The following OPHN1 variants were observed in gnomAD, a reference collection of about 807,000 sequenced individuals.
OPHN1 encodes the protein oligophrenin 1.
A neutral mutation model predicts 60.7 loss-of-function variants in OPHN1; 11 were observed. That is an observed-to-expected ratio of 0.18 (90% confidence interval 0.11 to 0.30). The LOEUF is 0.30. Among genes scored for constraint, OPHN1 ranks in the 10% least tolerant of loss-of-function variants. OPHN1 has a pLI of 1.00. For synonymous variants in OPHN1, 226 were observed against 222.6 expected (o/e 1.02, Z -0.14); for missense variants, 449 against 611.0 (o/e 0.73, Z 2.80).
At chrX:68,086,914 G>GT (rs1602146243) in intron 19 of OPHN1, among the ~76,000 whole-genome samples, 2 of 112,265 alleles carry the variant, frequency 1.8e-5, no homozygotes, top group African/African-American at 6.5e-5. Context: ...CCACCTGATA[G>GT]TAAGAAGCAG....
At chrX:68,374,932 C>CTAT (rs2078548695) in intron 2 of OPHN1, among the ~76,000 whole-genome samples, 2 of 112,016 alleles carry the variant, frequency 1.8e-5, no homozygotes, top group South Asian at 7.4e-4. Context: ...CACTTCACAC[C>CTAT]TATTAGCAAG....
At chrX:68,180,817 T>G (rs1185307671) in intron 15 of OPHN1, among the ~76,000 whole-genome samples, 2 of 112,003 alleles carry the variant, frequency 1.8e-5, no homozygotes, top group Non-Finnish European at 3.8e-5. Context: ...TTTCAGAAAC[T>G]TCCTGGAAAT....
intron 11 of OPHN1, among the ~76,000 whole-genome samples, chrX:68,197,701 G>A (rs894124766): frequency 9.0e-6 from 1 of 111,108 alleles, no homozygotes; most frequent in Non-Finnish European, 1.9e-5. Context: ...CAGCACCTGC[G>A]ATGTCCAAGA....
intron 5 of OPHN1, among the ~76,000 whole-genome samples, chrX:68,272,065 TAAAGG>T (rs1190658514): frequency 9.2e-6 from 1 of 108,494 alleles, no homozygotes; most frequent in Non-Finnish European, 1.9e-5. Flanking sequence ...GTGCTCACTA[TAAAGG>T]AAAGATGCTT....
chrX:68,319,526 A>G (rs1219164173), intron 2 of OPHN1, among the ~76,000 whole-genome samples: 1 of 110,808 alleles, frequency 9.0e-6, no homozygotes, highest in Non-Finnish European at 1.9e-5. Context: ...ACTTGAGCAC[A>G]GGAGTTCAAG....
At chrX:68,364,822 G>A (rs2078490291) in intron 2 of OPHN1, among the ~76,000 whole-genome samples, 1 of 112,083 alleles carries the variant, frequency 8.9e-6, no homozygotes, top group Non-Finnish European at 1.9e-5. Flanking sequence ...AGTTCTATTG[G>A]ACTGCACCAT....
chrX:68,313,100 T>A (rs1242328785), intron 2 of OPHN1, among the ~76,000 whole-genome samples: 1 of 109,996 alleles, frequency 9.1e-6, no homozygotes, highest in Non-Finnish European at 1.9e-5. Context: ...CAAAACCCTA[T>A]CTCAAATAAA....
At chrX:68,405,234 CACTCT>C (rs1478286112) in intron 2 of OPHN1, among the ~76,000 whole-genome samples, 5 of 112,139 alleles carry the variant, frequency 4.5e-5, no homozygotes, top group African/African-American at 1.6e-4. Context: ...TTGTTTGAGT[CACTCT>C]GTTGCCCAGG....
intron 15 of OPHN1, chrX:68,132,928 T>C: frequency 2.7e-6 from 1 of 375,045 alleles, no homozygotes; most frequent in Admixed American, 4.3e-5. Context: ...GAGTCCCTGC[T>C]TCCCCGAAGC....
At chrX:68,116,990 C>T (rs182881459) in intron 16 of OPHN1, among the ~76,000 whole-genome samples, 3 of 111,993 alleles carry the variant, frequency 2.7e-5, no homozygotes, top group Non-Finnish European at 5.6e-5. Context: ...CATTTTATAT[C>T]ACTGTAATCT....
intron 15 of OPHN1, among the ~76,000 whole-genome samples, chrX:68,182,383 G>A (rs2077442185): frequency 9.3e-6 from 1 of 107,693 alleles, no homozygotes; most frequent in Non-Finnish European, 1.9e-5. Context: ...TAATGAGAGA[G>A]AGACAGAGAG....
chrX:68,433,424 C>A lies in OPHN1; in HGVS notation c.-261G>T. On this transcript the variant is annotated 5_prime_UTR_variant, in exon 1 of 25. Coordinates refer to ENST00000355520, the MANE Select transcript of OPHN1 (RefSeq NM_002547.3). ...CACTTGGGCCCGCCCAAGGTGTAGGCGAGGTTAGAGCTGGAGCTGGGAACA... is the reference window on the plus strand; with the variant it reads ...CACTTGGGCCCGCCCAAGGTGTAGGAGAGGTTAGAGCTGGAGCTGGGAACA... 3.7e-6 allele frequency: 1 copy of A among 271,036 alleles called. No homozygotes were observed. Among genetic ancestry groups the A allele is most frequent in the East Asian group, 5.6e-5 (1 of 17,961 alleles). The allele number at this position is 271,036 out of a possible 1,213,427, so 22.3% of individuals were successfully genotyped here. A position where few individuals can be genotyped will look rare whatever the true frequency, so the allele number is the denominator to read the frequency against.
At chrX:68,217,590 G>A (rs2077620112) in intron 6 of OPHN1, among the ~76,000 whole-genome samples, 2 of 109,648 alleles carry the variant, frequency 1.8e-5, no homozygotes, top group Non-Finnish European at 3.8e-5. Context: ...CTGAGAACGG[G>A]CAGACTGCCT....
At chrX:68,255,215 C>G (rs1411625926) in intron 5 of OPHN1, among the ~76,000 whole-genome samples, 1 of 109,363 alleles carries the variant, frequency 9.1e-6, no homozygotes, top group Non-Finnish European at 1.9e-5. Context: ...GTCACTTACC[C>G]ATACATATAT....
chrX:68,175,194 T>A lies in OPHN1; in HGVS notation c.1276+17725A>T, dbSNP rs1011963336. Among the ~76,000 whole-genome samples, 6 of 111,506 alleles carry A rather than the reference T, an allele frequency of 5.4e-5. 1 individual carries two copies. The Admixed American group carries it at 5.7e-4, about 11-fold the overall frequency. On this transcript the variant is annotated intron_variant, in intron 15 of 24. Coordinates refer to ENST00000355520, the MANE Select transcript of OPHN1 (RefSeq NM_002547.3). ...GATATAAGCATCATTATGTGTAAGA[T>A]TGTTTCAACTATAAAAATGGAAAAA...
At chrX:68,149,576 A>C (rs1351767007) in intron 15 of OPHN1, among the ~76,000 whole-genome samples, 1 of 111,333 alleles carries the variant, frequency 9.0e-6, no homozygotes, top group African/African-American at 3.3e-5. Flanking sequence ...GGGAAATGCA[A>C]ATCAAAACCA....
chrX:68,162,157 G>T (rs1199913423), intron 15 of OPHN1, among the ~76,000 whole-genome samples: 3 of 110,238 alleles, frequency 2.7e-5, no homozygotes, highest in Non-Finnish European at 5.7e-5. Flanking sequence ...CCTATAAAAA[G>T]AAAAACAAGT....
intron 15 of OPHN1, among the ~76,000 whole-genome samples, chrX:68,192,151 T>C (rs2077490990): frequency 9.2e-6 from 1 of 109,147 alleles, no homozygotes; most frequent in African/African-American, 3.3e-5. Context: ...ACAGTCAAGG[T>C]GTAAAAAACA....
chrX:68,129,637 A>G (rs948931779), intron 15 of OPHN1, among the ~76,000 whole-genome samples: 3 of 112,405 alleles, frequency 2.7e-5, no homozygotes, highest in African/African-American at 9.7e-5. Flanking sequence ...TTTTACATTC[A>G]GAGGCAAACC....
Sources: allele counts gnomAD v4.1 joint callset (sites outside exome capture counted in the v4.1 genomes callset), GRCh38; gene constraint gnomAD v4.1.1; transcripts MANE v1.5; gene names NCBI Gene and HGNC (gene_info 2026-07-23, HGNC 2026-07-21).